SCIN: variants seen among roughly 807,000 people sequenced by gnomAD.
SCIN encodes the protein scinderin.
Under a neutral mutation model 91.8 loss-of-function variants are expected in SCIN, and 91 were observed. The ratio of observed to expected loss-of-function variants is 0.99; its 90% CI spans 0.84 to 1.18. SCIN has a LOEUF of 1.18. SCIN is among the 50% of genes most tolerant of loss of function. The pLI is 0.00. For missense variants in SCIN, 1,087 were observed against 863.9 expected (o/e 1.26, Z -3.24); for synonymous variants, 367 against 312.6 (o/e 1.17, Z -1.84).
At chr7:12,574,203 A>C (rs1173828362) in intron 1 of SCIN, among the ~76,000 whole-genome samples, 1 of 152,164 alleles carries the variant, frequency 6.6e-6, no homozygotes, top group African/African-American at 2.4e-5. Context: ...AACTAATACT[A>C]CTCAGCAATA....
chr7:12,639,251 A>G (rs1366939721), intron 10 of SCIN, among the ~76,000 whole-genome samples: 1 of 152,196 alleles, frequency 6.6e-6, no homozygotes, highest in Non-Finnish European at 1.5e-5. Flanking sequence ...TGTTATATGA[A>G]ATGCTAAGCT....
intron 4 of SCIN, among the ~76,000 whole-genome samples, chr7:12,619,639 G>A (rs951440922): frequency 2.0e-5 from 3 of 152,112 alleles, no homozygotes; most frequent in African/African-American, 4.8e-5. Flanking sequence ...AGCTAGCTAC[G>A]GGGAAAGAAT....
chr7:12,590,202 T>C (rs527701425), intron 3 of SCIN, among the ~76,000 whole-genome samples: 1 of 152,138 alleles, frequency 6.6e-6, no homozygotes, highest in Non-Finnish European at 1.5e-5. Flanking sequence ...TCTGAAGAGG[T>C]AGGAAATGCT....
At chr7:12,646,391 C>G (rs528455935) in intron 13 of SCIN, among the ~76,000 whole-genome samples, 1 of 152,030 alleles carries the variant, frequency 6.6e-6, no homozygotes, top group South Asian at 2.1e-4. Flanking sequence ...CGTGTTCTTT[C>G]CTTATAAAGA....
rs764833810 is a variant in SCIN at position 12,644,664 on chromosome 7, C to T, written c.1840C>T (p.Pro614Ser). ...GGAAACCCAGGCTGAAGACCATCCA[C>T]CTCGGCTTTACGGCTGCTCTAACAA... ...LLETQAEDHP[P>S]RLYGCSNKTG... Residue 614 changes from proline to serine, a missense_variant, in exon 13 of 16, where the codon CCT (proline) becomes TCT (serine). Physicochemically the swap from Pro to Ser is moderately conservative, Grantham distance 74. Transcript: ENST00000297029. 3.0e-5 allele frequency: 48 copies of T among 1,593,894 alleles called. No individual in the cohort carries two copies. The highest frequency in any genetic ancestry group is 3.9e-5 in the Non-Finnish European group (46 of 1,169,622).
chr7:12,644,687 C>T lies in SCIN; in HGVS notation c.1863C>T (p.Asn621=). ...CACCTCGGCTTTACGGCTGCTCTAA[C>T]AAAACTGGAAGATTTGTTGTAAGTG... ...DHPPRLYGCS[N]KTGRFVIEEI... The change falls in exon 13 of 16, where the codon AAC becomes AAT. Residue 621 remains asparagine (N), a synonymous_variant. Coordinates refer to ENST00000297029, the MANE Select transcript of SCIN (RefSeq NM_001112706.3). 6.4e-7 allele frequency: 1 copy of T among 1,570,322 alleles called. No homozygotes were observed.
intron 3 of SCIN, among the ~76,000 whole-genome samples, chr7:12,593,728 A>AT (rs1364548830): frequency 1.3e-5 from 2 of 152,108 alleles, no homozygotes; most frequent in African/African-American, 4.8e-5. Context: ...AAGTAATCAT[A>AT]TGGCTACAGT....
intron 4 of SCIN, among the ~76,000 whole-genome samples, chr7:12,617,115 A>C (rs1783315588): frequency 6.6e-6 from 1 of 152,158 alleles, no homozygotes; most frequent in African/African-American, 2.4e-5. Context: ...ATCATTATGC[A>C]AAGGATTAGT....
At chr7:12,608,537 G>A (rs898295590) in intron 4 of SCIN, among the ~76,000 whole-genome samples, 1 of 152,038 alleles carries the variant, frequency 6.6e-6, no homozygotes, top group Admixed American at 6.6e-5. Context: ...GAGTGCAGTG[G>A]TACGGTCTCG....
intron 4 of SCIN, among the ~76,000 whole-genome samples, chr7:12,618,393 A>G (rs750594832): frequency 6.6e-6 from 1 of 152,208 alleles, no homozygotes; most frequent in East Asian, 1.9e-4. Flanking sequence ...TTATCCAAAT[A>G]TGCTTTCCTA....
intron 9 of SCIN, among the ~76,000 whole-genome samples, chr7:12,635,611 CAAAAAAAAAA>C (rs59324421): frequency 0.052 from 304 of 5,860 alleles, 6 homozygotes; most frequent in African/African-American, 0.096. Context: ...GACTCCGTCT[CAAAAAAAAAA>C]AAAAAAAAAA....
intron 10 of SCIN, among the ~76,000 whole-genome samples, chr7:12,638,013 A>G (rs148096055): frequency 6.6e-5 from 10 of 152,278 alleles, no homozygotes; most frequent in African/African-American, 2.4e-4. Flanking sequence ...AGCCTGGTTC[A>G]ATCTTCTGTA....
In SCIN at chr7:12,652,836, G is replaced by T; in HGVS notation, c.*121G>T. The T allele has an allele frequency of 8.2e-7, 1 of 1,215,284 alleles. No individual in the cohort carries two copies. The highest frequency in any genetic ancestry group is 1.4e-5 in the South Asian group (1 of 71,466). 75.3% of individuals were successfully genotyped at this position (1,215,284 alleles called of 1,614,324 possible). A position where few individuals can be genotyped will look rare whatever the true frequency, so the allele number is the denominator to read the frequency against. On this transcript the variant is annotated 3_prime_UTR_variant, in exon 16 of 16. Coordinates refer to ENST00000297029, the MANE Select transcript of SCIN (RefSeq NM_001112706.3). ...TTGAAAATTAAGGCTGGGCGCGGTG[G>T]CTCACACCTGTAATCCCAGCACTTT...
Position 12,578,953 on chromosome 7 carries a change from G to A in SCIN, c.354+735G>A, listed in dbSNP as rs917018058. ...ATCCTCCTAGTTAGCTTTCCAGACT[G>A]GCCCTCCCTTCACCATTCCTGCCAC... is the stretch of plus-strand genomic sequence containing the variant. On this transcript the variant is annotated intron_variant, in intron 2 of 15. Coordinates refer to ENST00000297029, the MANE Select transcript of SCIN (RefSeq NM_001112706.3). Among the ~76,000 whole-genome samples, 66 of 89,320 alleles carry A rather than the reference G, an allele frequency of 7.4e-4. 1 individual carries two copies. Among genetic ancestry groups the A allele is most frequent in the African/African-American group, 2.0e-3 (45 of 22,430 alleles). The allele number at this position is 89,320 out of a possible 152,430, so 58.6% of individuals were successfully genotyped here. A position where few individuals can be genotyped will look rare whatever the true frequency, so the allele number is the denominator to read the frequency against.
chr7:12,603,334 C>T (rs970472100), intron 3 of SCIN, among the ~76,000 whole-genome samples: 5 of 151,890 alleles, frequency 3.3e-5, no homozygotes, highest in Non-Finnish European at 7.4e-5. Context: ...TTAGTAGAGA[C>T]GGGGTTTCAC....
At chr7:12,634,054 C>T (rs1783698950) in intron 9 of SCIN, among the ~76,000 whole-genome samples, 1 of 151,208 alleles carries the variant, frequency 6.6e-6, no homozygotes, top group Non-Finnish European at 1.5e-5. Flanking sequence ...TGATAAGATA[C>T]ACACCCTGTT....
intron 3 of SCIN, among the ~76,000 whole-genome samples, chr7:12,592,754 C>G (rs532349380): frequency 6.6e-6 from 1 of 152,004 alleles, no homozygotes; most frequent in Non-Finnish European, 1.5e-5. Flanking sequence ...TGGTGGCAAG[C>G]GGACAAGAGA....
chr7:12,596,464 G>C, intron 3 of SCIN: 1 of 456,200 alleles, frequency 2.2e-6, no homozygotes, highest in South Asian at 1.5e-5. Context: ...TCTGGTGCCA[G>C]CTGCCAATTT....
At chr7:12,597,144 A>G (rs1288251524) in intron 3 of SCIN, among the ~76,000 whole-genome samples, 1 of 152,240 alleles carries the variant, frequency 6.6e-6, no homozygotes, top group African/African-American at 2.4e-5. Context: ...ATATAAAGAA[A>G]CATTTGTTTA....
Sources: gnomAD v4.1 joint callset for allele counts (sites outside exome capture counted in the v4.1 genomes callset) on GRCh38, gnomAD v4.1.1 for gene constraint, MANE v1.5 for transcripts, NCBI Gene and HGNC (gene_info 2026-07-23, HGNC 2026-07-21) for gene names.